The following SLC4A5 variants were observed in gnomAD, a reference collection of about 807,000 sequenced individuals.
SLC4A5 encodes electrogenic sodium bicarbonate cotransporter 4.
A neutral mutation model predicts 120.4 loss-of-function variants in SLC4A5; 96 were observed. The ratio of observed to expected loss-of-function variants is 0.80; its 90% CI spans 0.68 to 0.94. The LOEUF (loss-of-function observed/expected upper bound fraction) is 0.94. SLC4A5 is among the 40% of genes least tolerant of loss of function. The pLI is 0.00. For synonymous variants in SLC4A5, 550 were observed against 571.1 expected, an observed-to-expected ratio of 0.96 and a Z score of 0.53; for missense variants, 1,259 against 1,459.5, an observed-to-expected ratio of 0.86 and a Z score of 2.24.
chr2:74,239,513 G>A (rs775640662), exon 21 of SLC4A5: 14 of 1,613,870 alleles, frequency 8.7e-6, no homozygotes, highest in Middle Eastern at 1.6e-4. Flanking sequence ...CCAGTCCAAC[G>A]CTGTGAGGTT....
chr2:74,260,257 G>A (rs1282278489), intron 11 of SLC4A5, among the ~76,000 whole-genome samples: 2 of 152,088 alleles, frequency 1.3e-5, no homozygotes, highest in African/African-American at 2.4e-5. Context: ...ATCGTGTCTC[G>A]GCTATTGGCC....
intron 8 of SLC4A5, among the ~76,000 whole-genome samples, chr2:74,276,423 G>C (rs536212684): frequency 2.2e-4 from 34 of 152,330 alleles, no homozygotes; most frequent in African/African-American, 7.9e-4. Flanking sequence ...AGCTCTCCTA[G>C]ACTCAGAAGT....
intron 5 of SLC4A5, among the ~76,000 whole-genome samples, chr2:74,321,958 T>C (rs943884694): frequency 2.6e-5 from 4 of 152,034 alleles, no homozygotes; most frequent in Non-Finnish European, 4.4e-5. Flanking sequence ...AAGCTTTTAT[T>C]TTCCTAATTG....
intron 7 of SLC4A5, among the ~76,000 whole-genome samples, chr2:74,298,406 T>C (rs1308719341): frequency 4.6e-5 from 7 of 152,314 alleles, no homozygotes; most frequent in African/African-American, 1.7e-4. Context: ...CTTATGCCAC[T>C]GACAAAAAAT....
chr2:74,278,242 C>A (rs917270879), intron 8 of SLC4A5, among the ~76,000 whole-genome samples: 2 of 152,106 alleles, frequency 1.3e-5, no homozygotes, highest in African/African-American at 4.8e-5. Context: ...GAGCTGCCAG[C>A]CAGTTGTGCC....
intron 15 of SLC4A5, among the ~76,000 whole-genome samples, 185 bp downstream of exon 15, chr2:74,252,789 T>C (rs2103994493): frequency 6.6e-6 from 1 of 152,304 alleles, no homozygotes. Context: ...GATCTCACTA[T>C]GTTGCCCAGG....
At chr2:74,243,819 C>T (rs1484382089) in intron 19 of SLC4A5, among the ~76,000 whole-genome samples, 1 of 152,110 alleles carries the variant, frequency 6.6e-6, no homozygotes, top group East Asian at 1.9e-4. Flanking sequence ...AGAAAGGGTC[C>T]AAGTATCAAA....
At chr2:74,230,049 T>C (rs1277384702) in intron 25 of SLC4A5, among the ~76,000 whole-genome samples, 1 of 151,832 alleles carries the variant, frequency 6.6e-6, no homozygotes, top group Non-Finnish European at 1.5e-5. Context: ...GATGGGGGTC[T>C]TGCTATGTTG....
At chr2:74,318,743 G>A (rs1673026850) in intron 5 of SLC4A5, among the ~76,000 whole-genome samples, 1 of 151,314 alleles carries the variant, frequency 6.6e-6, no homozygotes, top group Non-Finnish European at 1.5e-5. Flanking sequence ...GAGAAAACAT[G>A]CACTGTCGGT....
At chr2:74,300,874 C>T (rs1672460198) in intron 7 of SLC4A5, among the ~76,000 whole-genome samples, 1 of 152,210 alleles carries the variant, frequency 6.6e-6, no homozygotes, top group South Asian at 2.1e-4. Context: ...CTGCCCCTGA[C>T]CTGCTGTGGG....
intron 8 of SLC4A5, among the ~76,000 whole-genome samples, chr2:74,277,323 G>A (rs913324644): frequency 3.3e-5 from 5 of 152,304 alleles, no homozygotes; most frequent in Middle Eastern, 3.4e-3. Flanking sequence ...GCTGAGGCGG[G>A]TGGATCACCT....
chr2:74,252,422 C>T (rs1466203233), intron 15 of SLC4A5, 34 bp from the exon 16 acceptor site: 4 of 1,593,866 alleles, frequency 2.5e-6, no homozygotes, highest in Non-Finnish European at 3.4e-6. Context: ...AGAGTGGGTC[C>T]CCCAGAGCAC....
At chr2:74,279,022 G>A (rs1438668904) in intron 8 of SLC4A5, among the ~76,000 whole-genome samples, 2 of 152,180 alleles carry the variant, frequency 1.3e-5, no homozygotes, top group Non-Finnish European at 2.9e-5. Context: ...TGTGCCCAGG[G>A]CCGCCTTGCT....
intron 8 of SLC4A5, among the ~76,000 whole-genome samples, chr2:74,271,099 G>A (rs1445613974): frequency 6.6e-6 from 1 of 152,162 alleles, no homozygotes. Flanking sequence ...AGCAGGTCTG[G>A]AATGAGGTCA....
At chr2:74,324,874 G>A (rs1406838392) in intron 5 of SLC4A5, among the ~76,000 whole-genome samples, 5 of 152,056 alleles carry the variant, frequency 3.3e-5, no homozygotes, top group Admixed American at 2.6e-4. Flanking sequence ...GGACATTTCT[G>A]CTTGATTCAT....
intron 7 of SLC4A5, among the ~76,000 whole-genome samples, chr2:74,289,705 CA>C (rs1269591169): frequency 6.6e-6 from 1 of 151,980 alleles, no homozygotes; most frequent in Non-Finnish European, 1.5e-5. Context: ...ATTTTATAGA[CA>C]AAAAACCAAC....
chr2:74,229,887 T>G (rs13034587), intron 25 of SLC4A5, among the ~76,000 whole-genome samples: 41,330 of 150,642 alleles, frequency 0.27, 6,353 homozygotes, highest in Middle Eastern at 0.4. Flanking sequence ...TGAGGTTTTT[T>G]TTTTTTTTTT....
At chr2:74,222,581 T>G (rs904761620) in intron 29 of SLC4A5, among the ~76,000 whole-genome samples, 1 of 152,162 alleles carries the variant, frequency 6.6e-6, no homozygotes, top group South Asian at 2.1e-4. Context: ...TAGATTCTCA[T>G]AAGGGTGAGA....
At chr2:74,249,632 C>A (rs1330656714) in intron 17 of SLC4A5, among the ~76,000 whole-genome samples, 1 of 152,026 alleles carries the variant, frequency 6.6e-6, no homozygotes, top group Non-Finnish European at 1.5e-5. Context: ...GGGTGAACCA[C>A]GGTATCACCT....
Sources: allele counts gnomAD v4.1 joint callset (sites outside exome capture counted in the v4.1 genomes callset), GRCh38; gene constraint gnomAD v4.1.1; transcripts MANE v1.5; gene names NCBI Gene and HGNC (gene_info 2026-07-23, HGNC 2026-07-21).